The following DACH2 variants were observed in gnomAD, a reference collection of about 807,000 sequenced individuals.
DACH2 encodes the protein dachshund homolog 2.
Under a neutral mutation model 35.8 loss-of-function variants are expected in DACH2, and 17 were observed. The ratio of observed to expected loss-of-function variants is 0.48; its 90% CI spans 0.33 to 0.71. The LOEUF is 0.71. DACH2 is among the 30% of genes least tolerant of loss of function. The pLI, the probability that DACH2 is intolerant of heterozygous loss-of-function variation, is 0.02. For synonymous variants in DACH2, 195 were observed against 177.3 expected, an observed-to-expected ratio of 1.10 and a Z score of -0.79; for missense variants, 469 against 472.7, an observed-to-expected ratio of 0.99 and a Z score of 0.07.
chrX:86,316,624 A>G (rs995676625), intron 1 of DACH2, among the ~76,000 whole-genome samples: 1 of 111,314 alleles, frequency 9.0e-6, no homozygotes, highest in African/African-American at 3.3e-5. Flanking sequence ...GTTAGGGGGA[A>G]TTGGGCGATG....
chrX:86,795,596 C>T, intron 7 of DACH2, among the ~76,000 whole-genome samples: 1 of 112,480 alleles, frequency 8.9e-6, no homozygotes. Flanking sequence ...GCAGAAATGG[C>T]TAACATATGA....
chrX:86,438,141 T>C (rs2037098376), intron 2 of DACH2, among the ~76,000 whole-genome samples: 1 of 109,928 alleles, frequency 9.1e-6, no homozygotes, highest in Non-Finnish European at 1.9e-5. Context: ...GTATTTGGTT[T>C]TCTGTTCCTT....
At chrX:86,230,878 T>C (rs1397175397) in intron 1 of DACH2, among the ~76,000 whole-genome samples, 2 of 112,390 alleles carry the variant, frequency 1.8e-5, no homozygotes, top group East Asian at 5.6e-4. Context: ...TCTCTCTTTT[T>C]TCCTTAGGTT....
chrX:86,811,667 C>CAG (rs1026405331), intron 7 of DACH2, among the ~76,000 whole-genome samples: 2 of 111,560 alleles, frequency 1.8e-5, no homozygotes, highest in Non-Finnish European at 3.8e-5. Context: ...CTGATGAACT[C>CAG]AACTAAGAGT....
chrX:86,700,235 G>C (rs1201199347), intron 5 of DACH2, among the ~76,000 whole-genome samples: 2 of 111,336 alleles, frequency 1.8e-5, no homozygotes, highest in Non-Finnish European at 1.9e-5. Flanking sequence ...GTATTCTGTT[G>C]TCTTTGGTTG....
At chrX:86,600,405 A>G (rs2039774772) in intron 3 of DACH2, among the ~76,000 whole-genome samples, 1 of 112,003 alleles carries the variant, frequency 8.9e-6, no homozygotes, top group Non-Finnish European at 1.9e-5. Context: ...AGTATTATTT[A>G]AAGTCTAGGC....
intron 4 of DACH2, among the ~76,000 whole-genome samples, chrX:86,668,696 A>G (rs2040728344): frequency 8.9e-6 from 1 of 111,859 alleles, no homozygotes; most frequent in Admixed American, 9.5e-5. Context: ...TGTACAAGAA[A>G]CAAAGAAATT....
At chrX:86,603,463 A>G (rs1034982671) in intron 3 of DACH2, among the ~76,000 whole-genome samples, 1 of 110,027 alleles carries the variant, frequency 9.1e-6, no homozygotes, top group African/African-American at 3.3e-5. Flanking sequence ...GTGTTCATCC[A>G]TTTTAGCATC....
chrX:86,207,341 C>A (rs1345313303), intron 1 of DACH2, among the ~76,000 whole-genome samples: 1 of 111,143 alleles, frequency 9.0e-6, no homozygotes, highest in African/African-American at 3.3e-5. Flanking sequence ...AGTCTCTGTG[C>A]AAATCTATGC....
chrX:86,477,541 C>T (rs1331067366), intron 2 of DACH2, among the ~76,000 whole-genome samples: 3 of 107,933 alleles, frequency 2.8e-5, no homozygotes, highest in Non-Finnish European at 5.8e-5. Flanking sequence ...TGTATTTTCA[C>T]CCTATGTGTT....
intron 1 of DACH2, among the ~76,000 whole-genome samples, chrX:86,149,976 G>T (rs1232919326): frequency 1.8e-5 from 2 of 111,610 alleles, no homozygotes; most frequent in Non-Finnish European, 3.8e-5. Context: ...CTTAAAGACA[G>T]GATTCCTTAA....
At chrX:86,237,373 A>G (rs1602312087) in intron 1 of DACH2, among the ~76,000 whole-genome samples, 1 of 112,217 alleles carries the variant, frequency 8.9e-6, no homozygotes, top group African/African-American at 3.2e-5. Flanking sequence ...AGTACCATGT[A>G]CTGTAAATAA....
At chrX:86,824,429 G>T (rs1046215546) in intron 11 of DACH2, among the ~76,000 whole-genome samples, 7 of 111,624 alleles carry the variant, frequency 6.3e-5, no homozygotes, top group African/African-American at 2.3e-4. Flanking sequence ...TTTTCAAGGT[G>T]CACTGATTTA....
intron 2 of DACH2, among the ~76,000 whole-genome samples, chrX:86,431,579 T>A (rs748329945): frequency 9.0e-6 from 1 of 111,613 alleles, no homozygotes. Context: ...TTTAAATGCA[T>A]GTGTCCGAAT....
intron 1 of DACH2, among the ~76,000 whole-genome samples, chrX:86,342,225 A>G (rs1178681194): frequency 9.0e-6 from 1 of 111,603 alleles, no homozygotes; most frequent in Non-Finnish European, 1.9e-5. Flanking sequence ...GCAGCCAGTC[A>G]TGATGGCTCA....
intron 7 of DACH2, among the ~76,000 whole-genome samples, chrX:86,753,395 G>A (rs1203224861): frequency 8.9e-6 from 1 of 111,765 alleles, no homozygotes; most frequent in African/African-American, 3.2e-5. Flanking sequence ...TTAAATTATA[G>A]TTAGATAAAT....
chrX:86,831,360 G>A (rs1285920765), intron 11 of DACH2: 1 of 111,221 alleles, frequency 9.0e-6, no homozygotes, highest in African/African-American at 3.3e-5. Flanking sequence ...TAATGGATTT[G>A]TACGGATTCA....
intron 1 of DACH2, among the ~76,000 whole-genome samples, chrX:86,163,055 T>C (rs1413744335): frequency 9.0e-6 from 1 of 111,052 alleles, no homozygotes; most frequent in East Asian, 2.8e-4. Flanking sequence ...AACAATTTAA[T>C]TACACTCTAA....
At chrX:86,691,164 G>T (rs1371525596) in intron 4 of DACH2, among the ~76,000 whole-genome samples, 1 of 111,454 alleles carries the variant, frequency 9.0e-6, no homozygotes, top group Non-Finnish European at 1.9e-5. Context: ...CTTTACTGGA[G>T]GAATTCCCTC....
Sources: allele counts gnomAD v4.1 joint callset (sites outside exome capture counted in the v4.1 genomes callset), GRCh38; gene constraint gnomAD v4.1.1; transcripts MANE v1.5; gene names NCBI Gene and HGNC (gene_info 2026-07-23, HGNC 2026-07-21).